Variants in MMRN1 observed in about 807,000 individuals in gnomAD.
MMRN1 encodes the protein multimerin 1.
MMRN1 carries 94 observed loss-of-function variants against 100.7 expected under a neutral mutation model. The ratio of observed to expected loss-of-function variants is 0.93; its 90% CI spans 0.79 to 1.11. The LOEUF is 1.11. Ranked by LOEUF, MMRN1 falls within the 50% of genes least tolerant of loss-of-function variation. The probability of loss-of-function intolerance (pLI) is 0.00; values close to 1 mark genes in which losing one functional copy is unlikely to be tolerated. For synonymous variants in MMRN1, 575 were observed against 505.0 expected (o/e 1.14, Z -1.86); for missense variants, 1,606 against 1,439.1 (o/e 1.12, Z -1.88).
At position 89,936,184 on chromosome 4, in the gene MMRN1, G is replaced by T. The variant is rs1269278525; in HGVS notation, c.2504G>T (p.Arg835Ile). ...TTCAATGAAACCACTTCCCAAGTGA[G>T]AAAATACCAGCAAAATATGAGTCAT... ...QMFNETTSQV[R>I]KYQQNMSHLE... The change falls in exon 6 of 8, where the codon AGA becomes ATA. Residue 835 changes from arginine (R) to isoleucine (I), a missense_variant. Coordinates refer to ENST00000264790, the MANE Select transcript of MMRN1 (RefSeq NM_007351.3). 2 of 1,609,688 alleles carry T rather than the reference G, an allele frequency of 1.2e-6. No homozygotes were observed. Among genetic ancestry groups the T allele is most frequent in the South Asian group, 2.2e-5 (2 of 89,822 alleles).
intron 6 of MMRN1, among the ~76,000 whole-genome samples, chr4:89,941,863 T>C (rs1040306168): frequency 6.6e-6 from 1 of 152,144 alleles, no homozygotes; most frequent in Admixed American, 6.6e-5. Flanking sequence ...AACATATCAG[T>C]GTTGAAGGAA....
chr4:89,940,625 T>G (rs897166354), intron 6 of MMRN1, among the ~76,000 whole-genome samples: 10 of 152,170 alleles, frequency 6.6e-5, no homozygotes, highest in African/African-American at 2.2e-4. Context: ...AATATATTTA[T>G]TTGTAATAAG....
chr4:89,933,943 T>A (rs1722523338), intron 5 of MMRN1, among the ~76,000 whole-genome samples: 1 of 152,204 alleles, frequency 6.6e-6, no homozygotes. Flanking sequence ...CAAGTTTTTT[T>A]ATATTTTAAA....
rs1338068295 is a variant in MMRN1, at chr4:89,923,180, A to C, written c.863A>C (p.Gln288Pro). The change falls in exon 4 of 8, where the codon CAA becomes CCA. Residue 288 changes from glutamine (Q) to proline (P), a missense_variant. By Grantham distance (76) the Gln-to-Pro change is moderately conservative (BLOSUM62 -1). Transcript: ENST00000264790. ...TGCTTCCTTCTAGCCCAGGAACAGC[A>C]AAGTTTGATACACACCAACCAGGCT... Reference protein sequence around the residue: ...PKCQLRAQEQQSLIHTNQAES... With the variant: ...PKCQLRAQEQPSLIHTNQAES... 1.2e-6 allele frequency: 2 copies of C among 1,613,802 alleles called. No homozygotes were observed. The highest frequency in any genetic ancestry group is 1.3e-5 in the African/African-American group (1 of 75,024).
chr4:89,933,729 C>A (rs976660969), intron 5 of MMRN1, among the ~76,000 whole-genome samples: 1 of 152,134 alleles, frequency 6.6e-6, no homozygotes, highest in African/African-American at 2.4e-5. Context: ...CCCCGTGATT[C>A]AATTACCTTC....
intron 1 of MMRN1, among the ~76,000 whole-genome samples, chr4:89,896,924 A>G (rs2110580421): frequency 6.6e-6 from 1 of 152,316 alleles, no homozygotes; most frequent in Middle Eastern, 3.4e-3. Flanking sequence ...TGTAAAACAA[A>G]TAGTACAGAT....
chr4:89,901,000 C>T (rs1426576339), intron 1 of MMRN1, among the ~76,000 whole-genome samples: 4 of 151,732 alleles, frequency 2.6e-5, no homozygotes, highest in East Asian at 1.9e-4. Flanking sequence ...AAGTGATCAA[C>T]AGTGTGAAAT....
intron 1 of MMRN1, among the ~76,000 whole-genome samples, chr4:89,901,414 A>G (rs1301487058): frequency 6.6e-6 from 1 of 151,838 alleles, no homozygotes; most frequent in Non-Finnish European, 1.5e-5. Flanking sequence ...AATTATTCTG[A>G]GTTTAATGAC....
chr4:89,935,215 A>T lies in MMRN1; in HGVS notation c.1535A>T (p.Lys512Ile), dbSNP rs1318838651. 1.2e-6 allele frequency: 2 copies of T among 1,613,322 alleles called. No homozygotes were observed. Among genetic ancestry groups the T allele is most frequent in the African/African-American group, 2.7e-5 (2 of 74,896 alleles). The stretch of plus-strand genomic sequence containing the variant: ...GAATCCCTCAATAAAACTCTTTCTA[A>T]ATTGAAGGAAGTACATGAGCAGCTT... ...YYESLNKTLSKLKEVHEQLLS... is the reference protein window; with the variant it reads ...YYESLNKTLSILKEVHEQLLS... Residue 512 changes from lysine to isoleucine, a missense_variant, in exon 6 of 8, where the codon AAA becomes ATA. By Grantham distance (102) the Lys-to-Ile change is moderately radical. Coordinates refer to ENST00000264790, the MANE Select transcript of MMRN1 (RefSeq NM_007351.3).
intron 1 of MMRN1, among the ~76,000 whole-genome samples, chr4:89,886,808 T>C (rs1235243502): frequency 6.6e-6 from 1 of 152,134 alleles, no homozygotes; most frequent in Non-Finnish European, 1.5e-5. Flanking sequence ...CAAATCAAGG[T>C]AATTAGGATA....
chr4:89,894,162 A>G (rs969189989), upstream of MMRN1, among the ~76,000 whole-genome samples: 8 of 152,186 alleles, frequency 5.3e-5, no homozygotes, highest in Non-Finnish European at 1.2e-4. Context: ...AAATAAAGGA[A>G]GTAAAATTCT....
At chr4:89,930,538 T>C (rs1228524827) in intron 5 of MMRN1, among the ~76,000 whole-genome samples, 1 of 140,938 alleles carries the variant, frequency 7.1e-6, no homozygotes, top group Non-Finnish European at 1.5e-5. Context: ...AATTTTATTG[T>C]ACCTTTCAAT....
chr4:89,925,466 A>G (rs1578486841), intron 4 of MMRN1, among the ~76,000 whole-genome samples: 1 of 147,094 alleles, frequency 6.8e-6, no homozygotes, highest in East Asian at 2.0e-4. Context: ...ATTTTTTTAT[A>G]CCCAAATAAA....
chr4:89,890,444 T>C (rs921697483), upstream of MMRN1, among the ~76,000 whole-genome samples: 1 of 152,114 alleles, frequency 6.6e-6, no homozygotes, highest in Admixed American at 6.6e-5. Context: ...GGGAACTCAG[T>C]GCTTCATTGT....
intron 6 of MMRN1, among the ~76,000 whole-genome samples, chr4:89,950,106 T>C (rs1723114618): frequency 6.6e-6 from 1 of 152,194 alleles, no homozygotes; most frequent in South Asian, 2.1e-4. Context: ...CAAATGAAAT[T>C]ATTCTATATG....
At chr4:89,904,164 T>C (rs1721483112) in intron 1 of MMRN1, among the ~76,000 whole-genome samples, 1 of 151,834 alleles carries the variant, frequency 6.6e-6, no homozygotes, top group Non-Finnish European at 1.5e-5. Context: ...CTCTATTTCT[T>C]ACTTTTTCTT....
chr4:89,923,851 T>G (rs1048039880), intron 4 of MMRN1, among the ~76,000 whole-genome samples: 8 of 152,202 alleles, frequency 5.3e-5, no homozygotes, highest in Non-Finnish European at 1.2e-4. Flanking sequence ...AAAACATCTA[T>G]TCACTGTGTT....
In MMRN1 at chr4:89,936,945, A is replaced by G. The variant is rs894190526; in HGVS notation, c.3118+147A>G. 3.1e-5 allele frequency: 21 copies of G among 673,776 alleles called. No individual in the cohort carries two copies. The South Asian group carries it at 3.9e-4, about 12-fold the overall frequency. The allele number at this position is 673,776 out of a possible 1,614,324, so 41.7% of individuals were successfully genotyped here. On this transcript the variant is annotated intron_variant, in intron 6 of 7. Transcript: ENST00000264790. ...TCAAGTTGTGAAGATCACTGACATTATTTAAATCTGAATCTATCTTACAGT... is the reference window on the plus strand; with the variant it reads ...TCAAGTTGTGAAGATCACTGACATTGTTTAAATCTGAATCTATCTTACAGT...
chr4:89,904,713 C>A (rs911201082), intron 1 of MMRN1, among the ~76,000 whole-genome samples: 2 of 151,554 alleles, frequency 1.3e-5, no homozygotes, highest in African/African-American at 4.8e-5. Context: ...CTCTACCTTT[C>A]TGTTATTGTG....
Sources: gnomAD v4.1 joint callset for allele counts (sites outside exome capture counted in the v4.1 genomes callset) on GRCh38, gnomAD v4.1.1 for gene constraint, MANE v1.5 for transcripts, NCBI Gene and HGNC (gene_info 2026-07-23, HGNC 2026-07-21) for gene names.